Variants in DCLK1 observed in about 807,000 individuals in gnomAD.
DCLK1 encodes the protein serine/threonine-protein kinase DCLK1.
Under a neutral mutation model 86.2 loss-of-function variants are expected in DCLK1, and 16 were observed. The observed-to-expected ratio is 0.19, with a 90% CI of 0.13 to 0.28. The LOEUF is 0.28. Ranked by LOEUF, DCLK1 falls within the 10% of genes least tolerant of loss-of-function variation. The probability of loss-of-function intolerance (pLI) is 1.00; values close to 1 mark genes in which losing one functional copy is unlikely to be tolerated. For synonymous variants in DCLK1, 369 were observed against 370.5 expected, an observed-to-expected ratio of 1.00 and a Z score of 0.05; for missense variants, 590 against 940.2, an observed-to-expected ratio of 0.63 and a Z score of 4.87.
chr13:35,953,804 C>A (rs570532499), intron 3 of DCLK1, among the ~76,000 whole-genome samples: 4 of 152,302 alleles, frequency 2.6e-5, no homozygotes, highest in African/African-American at 9.6e-5. Flanking sequence ...GCCAGTTTCT[C>A]AGCAGGGCCT....
intron 3 of DCLK1, among the ~76,000 whole-genome samples, chr13:35,981,957 T>A (rs576199493): frequency 1.6e-4 from 25 of 152,306 alleles, no homozygotes; most frequent in South Asian, 8.3e-4. Flanking sequence ...CACTTGTTAT[T>A]TTCTGATTAT....
intron 4 of DCLK1, among the ~76,000 whole-genome samples, chr13:35,945,714 C>T (rs1259496453): frequency 2.0e-5 from 3 of 152,126 alleles, no homozygotes; most frequent in African/African-American, 7.2e-5. Context: ...ACCTGTTCTA[C>T]ACAATGGCAA....
At chr13:35,852,769 C>A (rs780110107) in intron 6 of DCLK1, among the ~76,000 whole-genome samples, 28 of 152,320 alleles carry the variant, frequency 1.8e-4, no homozygotes, top group Non-Finnish European at 3.7e-4. Flanking sequence ...CATCTGAGCA[C>A]AGCTTTACAT....
intron 12 of DCLK1, among the ~76,000 whole-genome samples, chr13:35,810,281 T>C (rs2087115991): frequency 6.6e-6 from 1 of 152,176 alleles, no homozygotes; most frequent in South Asian, 2.1e-4. Context: ...TTGTGGGGTC[T>C]TAGTAAGGAA....
At chr13:35,828,151 C>A in intron 9 of DCLK1, 99 bp downstream of exon 9, 6 of 986,800 alleles carry the variant, frequency 6.1e-6, no homozygotes, top group Non-Finnish European at 7.8e-6. Flanking sequence ...CACCAAAATT[C>A]AACCCTTAGG....
rs556513232 is a variant in DCLK1, at chr13:35,817,590, G to A, written c.1554+5139C>T. 1.3e-4 allele frequency among the ~76,000 whole-genome samples: 20 copies of A among 152,050 alleles called. No homozygotes were observed. In the East Asian group the frequency reaches 1.5e-3, roughly 12 times the overall value. On this transcript the variant is annotated intron_variant, in intron 11 of 16. Transcript: ENST00000360631. ...ATATACAGTACAAGAAAGTTATCCC[G>A]TCCTCCATGTGGCAGCCTTTCCTAT...
intron 2 of DCLK1, among the ~76,000 whole-genome samples, chr13:36,124,121 C>G (rs1886085805): frequency 6.6e-6 from 1 of 152,190 alleles, no homozygotes; most frequent in African/African-American, 2.4e-5. Flanking sequence ...CCATATTTTT[C>G]CCTACAGTAC....
rs192267462 is a variant in DCLK1, at chr13:35,830,452, T to C, written c.1230-2145A>G. On this transcript the variant is annotated intron_variant, in intron 8 of 16. Coordinates refer to ENST00000360631, the MANE Select transcript of DCLK1 (RefSeq NM_001330071.2). The stretch of plus-strand genomic sequence containing the variant: ...GATTCACGTGTGAAGAGATTCTTCA[T>C]TGTAGAAGCTCTATATCCTATAAGA... 7.2e-5 allele frequency among the ~76,000 whole-genome samples: 11 copies of C among 152,320 alleles called. No homozygotes were observed. In the East Asian group the frequency reaches 1.5e-3, roughly 21 times the overall value.
intron 2 of DCLK1, among the ~76,000 whole-genome samples, chr13:36,112,797 C>T (rs533334298): frequency 3.9e-4 from 59 of 152,282 alleles, no homozygotes; most frequent in South Asian, 6.2e-4. Flanking sequence ...ACTATAAGGT[C>T]AATTCATACT....
At chr13:35,935,613 T>C (rs1454554383) in intron 4 of DCLK1, among the ~76,000 whole-genome samples, 1 of 152,184 alleles carries the variant, frequency 6.6e-6, no homozygotes, top group Non-Finnish European at 1.5e-5. Flanking sequence ...TTGTGGGATG[T>C]GTTGAATTTC....
chr13:35,808,494 G>A (rs545150493), intron 13 of DCLK1, among the ~76,000 whole-genome samples, 174 bp from the exon 14 acceptor site: 6 of 152,044 alleles, frequency 3.9e-5, no homozygotes, highest in Non-Finnish European at 8.8e-5. Context: ...TTAAGAAAGA[G>A]TTTTTGGGCC....
intron 3 of DCLK1, among the ~76,000 whole-genome samples, chr13:35,959,796 C>G (rs981617829): frequency 6.6e-6 from 1 of 151,688 alleles, no homozygotes; most frequent in African/African-American, 2.4e-5. Context: ...GGGTAGGGCA[C>G]AATCAAGACC....
At chr13:35,983,515 T>A (rs977704925) in intron 3 of DCLK1, among the ~76,000 whole-genome samples, 1 of 152,176 alleles carries the variant, frequency 6.6e-6, no homozygotes, top group Non-Finnish European at 1.5e-5. Flanking sequence ...CAGAAAGTTT[T>A]TTCTAGAATG....
chr13:36,037,697 T>C (rs1882557262), intron 3 of DCLK1, among the ~76,000 whole-genome samples: 1 of 152,132 alleles, frequency 6.6e-6, no homozygotes, highest in Non-Finnish European at 1.5e-5. Flanking sequence ...TTGGCCAGGC[T>C]GGTCTCAAAC....
intron 3 of DCLK1, among the ~76,000 whole-genome samples, chr13:36,087,366 AT>A (rs1335770624): frequency 6.6e-6 from 1 of 152,248 alleles, no homozygotes; most frequent in Non-Finnish European, 1.5e-5. Flanking sequence ...AAAACAGGGC[AT>A]TTATCTTCAA....
chr13:36,014,987 C>T (rs1279918614), intron 3 of DCLK1, among the ~76,000 whole-genome samples: 3 of 100,850 alleles, frequency 3.0e-5, no homozygotes, highest in Non-Finnish European at 5.8e-5. Context: ...ATTCTCTCTC[C>T]CTCTCTCTCT....
rs540713562 is a variant in DCLK1 at position 35,877,786 on chromosome 13, C to T, written c.824-6446G>A. The stretch of plus-strand genomic sequence containing the variant: ...GCTTCCTCTTAATTTGGCAAAGGTA[C>T]AAAGCCTGTAAATGGAATAATATTC... On this transcript the variant is annotated intron_variant, in intron 4 of 16. Transcript: ENST00000360631. Among the ~76,000 whole-genome samples, 10 of 152,264 alleles carry T rather than the reference C, an allele frequency of 6.6e-5. No individual in the cohort carries two copies. The East Asian group carries it at 1.7e-3, about 26-fold the overall frequency.
At chr13:35,928,742 A>G (rs1876263530) in intron 4 of DCLK1, among the ~76,000 whole-genome samples, 1 of 152,164 alleles carries the variant, frequency 6.6e-6, no homozygotes, top group South Asian at 2.1e-4. Context: ...AATCTTGCCA[A>G]ATCTATACCT....
At chr13:36,007,969 T>A (rs1363323571) in intron 3 of DCLK1, among the ~76,000 whole-genome samples, 1 of 151,962 alleles carries the variant, frequency 6.6e-6, no homozygotes, top group Non-Finnish European at 1.5e-5. Context: ...ATAAAGGCAA[T>A]CCTAAGGAGT....
Sources: gnomAD v4.1 joint callset for allele counts (sites outside exome capture counted in the v4.1 genomes callset) on GRCh38, gnomAD v4.1.1 for gene constraint, MANE v1.5 for transcripts, NCBI Gene and HGNC (gene_info 2026-07-23, HGNC 2026-07-21) for gene names.